CELF2: variants seen among roughly 807,000 people sequenced by gnomAD.
CELF2 encodes CUG triplet repeat RNA-binding protein 2.
In CELF2, 8 loss-of-function variants were observed where a neutral mutation model predicts 62.6. That is an observed-to-expected ratio of 0.13 (90% CI 0.07 to 0.23). The LOEUF (loss-of-function observed/expected upper bound fraction) is 0.23. Ranked by LOEUF, CELF2 falls within the 10% of genes least tolerant of loss-of-function variation. The pLI is 1.00. For synonymous variants in CELF2, 258 were observed against 250.0 expected (o/e 1.03, Z -0.30); for missense variants, 333 against 671.0 (o/e 0.50, Z 5.56).
chr10:10,683,271 T>C, the CELF2 span, among the ~76,000 whole-genome samples: 1 of 152,198 alleles, frequency 6.6e-6, no homozygotes, highest in African/African-American at 2.4e-5. Flanking sequence ...CCACTTAGGT[T>C]TTTAAATGTC....
intron 2 of CELF2, among the ~76,000 whole-genome samples, chr10:10,999,211 A>T (rs927049365): frequency 6.6e-6 from 1 of 152,210 alleles, no homozygotes; most frequent in African/African-American, 2.4e-5. Context: ...GAGACTAGGT[A>T]ACGCACAGGA....
At chr10:10,764,391 T>C in the CELF2 span, among the ~76,000 whole-genome samples, 2 of 152,228 alleles carry the variant, frequency 1.3e-5, no homozygotes. Flanking sequence ...CTGCCTAACC[T>C]GAGTTTCCAC....
chr10:10,948,029 T>A (rs1300786366), intron 2 of CELF2, among the ~76,000 whole-genome samples: 1 of 152,216 alleles, frequency 6.6e-6, no homozygotes, highest in African/African-American at 2.4e-5. Flanking sequence ...CTTTTCTTAA[T>A]TCAGAAATTT....
chr10:10,544,770 AG>A, the CELF2 span, among the ~76,000 whole-genome samples: 1 of 152,220 alleles, frequency 6.6e-6, no homozygotes, highest in African/African-American at 2.4e-5. Context: ...TCCTCCAGGA[AG>A]CCACAAATGT....
upstream of CELF2, chr10:11,005,203 C>T: frequency 6.9e-7 from 1 of 1,456,734 alleles, no homozygotes; most frequent in Non-Finnish European, 9.0e-7. This position sits in a 1 kb window ranked among gnomAD's most constrained non-coding sequence, Gnocchi z 4.3. Context: ...AGCCCCCTTG[C>T]TCTACTATTC....
At chr10:11,190,182 G>A (rs1290470217) in intron 2 of CELF2, among the ~76,000 whole-genome samples, 1 of 152,104 alleles carries the variant, frequency 6.6e-6, no homozygotes, top group East Asian at 1.9e-4. Context: ...AATCCCTTGA[G>A]GACAGGATTC....
At chr10:11,047,753 CCTGAATA>C (rs1182516327) in intron 1 of CELF2, among the ~76,000 whole-genome samples, 3 of 152,124 alleles carry the variant, frequency 2.0e-5, no homozygotes, top group Non-Finnish European at 4.4e-5. Flanking sequence ...CAGTGCCTTT[CCTGAATA>C]CTGATTTCAG....
chr10:11,278,807 CACA>C (rs1464552354), intron 8 of CELF2, among the ~76,000 whole-genome samples: 1 of 152,196 alleles, frequency 6.6e-6, no homozygotes, highest in African/African-American at 2.4e-5. Flanking sequence ...TCCCAAATAT[CACA>C]ACAACCTGAT....
chr10:11,078,530 C>T (rs1412617659), intron 1 of CELF2, among the ~76,000 whole-genome samples: 1 of 152,186 alleles, frequency 6.6e-6, no homozygotes, highest in Non-Finnish European at 1.5e-5. Context: ...TTTCATTCAT[C>T]CAGAACCTTG....
At chr10:11,176,181 C>G (rs189358411) in intron 2 of CELF2, among the ~76,000 whole-genome samples, 1 of 152,312 alleles carries the variant, frequency 6.6e-6, no homozygotes, top group East Asian at 1.9e-4. Flanking sequence ...CCTCTTTCCC[C>G]TTTTTCCCCT....
the CELF2 span, among the ~76,000 whole-genome samples, chr10:10,719,814 C>T: frequency 1.3e-5 from 2 of 152,156 alleles, no homozygotes; most frequent in African/African-American, 4.8e-5. Flanking sequence ...TTAGCATAGC[C>T]TCCAGTACAT....
At chr10:11,150,424 G>C (rs997420929) in intron 1 of CELF2, among the ~76,000 whole-genome samples, 12 of 152,178 alleles carry the variant, frequency 7.9e-5, no homozygotes, top group African/African-American at 2.9e-4. Context: ...AATCATACTT[G>C]AATGACTTCA....
At chr10:10,681,975 C>G in the CELF2 span, among the ~76,000 whole-genome samples, 1 of 152,146 alleles carries the variant, frequency 6.6e-6, no homozygotes, top group Non-Finnish European at 1.5e-5. Context: ...ATTTTACCAT[C>G]AAAATAAAAC....
Position 11,265,129 on chromosome 10 carries a change from G to A in CELF2, c.539-1469G>A, listed in dbSNP as rs150132707. ...GACTTGATAATCTCACCAGGTATTCGTGCAGAGCAAAAGAAGAAAATATAT... is the reference window on the plus strand; with the variant it reads ...GACTTGATAATCTCACCAGGTATTCATGCAGAGCAAAAGAAGAAAATATAT... On this transcript the variant is annotated intron_variant, in intron 5 of 12. Transcript: ENST00000633077. Among the ~76,000 whole-genome samples the A allele has an allele frequency of 1.3e-3, 202 of 152,288 alleles. 3 individuals are homozygous for A. The highest frequency in any genetic ancestry group is 4.1e-3 in the African/African-American group (172 of 41,550).
chr10:11,024,505 G>T (rs966218243), intron 1 of CELF2, among the ~76,000 whole-genome samples: 1 of 149,660 alleles, frequency 6.7e-6, no homozygotes, highest in Non-Finnish European at 1.5e-5. Context: ...GGAGGCTGAG[G>T]GGGGAGGATC....
the CELF2 span, among the ~76,000 whole-genome samples, chr10:10,629,861 C>CAAAAAAA: frequency 1.1e-3 from 14 of 12,338 alleles, 2 homozygotes; most frequent in African/African-American, 2.4e-3. Flanking sequence ...GGCTGAAGAC[C>CAAAAAAA]AAAAAAAAAA....
chr10:11,235,340 A>G (rs2070795418), intron 3 of CELF2, among the ~76,000 whole-genome samples: 1 of 152,216 alleles, frequency 6.6e-6, no homozygotes, highest in Non-Finnish European at 1.5e-5. Flanking sequence ...CTTGTCTCAC[A>G]TATTCCTCAT....
At chr10:10,807,838 C>T (rs1401252587) in intron 1 of CELF2, among the ~76,000 whole-genome samples, 2 of 152,110 alleles carry the variant, frequency 1.3e-5, no homozygotes, top group Non-Finnish European at 1.5e-5. Context: ...ATGAAGCTGT[C>T]AGCTTCTCTG....
rs548586033 is a variant in CELF2 at position 11,331,282 on chromosome 10, CAAAAAA to C, written c.*2238_*2243del. 2.0e-5 allele frequency: 1 copy of C among 50,692 alleles called. No homozygotes were observed. The highest frequency in any genetic ancestry group is 4.7e-5 in the Non-Finnish European group (1 of 21,212). The allele number at this position is 50,692 out of a possible 1,614,324, so 3.1% of individuals were successfully genotyped here. Reference sequence around the variant, plus strand: ...AAGTTTAGAATTGGTTTACTTAATACAAAAAAAAAAAAAAGAATTTCAAAAAAAAAA... The same window carrying C: ...AAGTTTAGAATTGGTTTACTTAATACAAAAAAAAGAATTTCAAAAAAAAAA... On this transcript the variant is annotated 3_prime_UTR_variant, in exon 13 of 13. Transcript: ENST00000633077.
Sources: allele counts gnomAD v4.1 joint callset (sites outside exome capture counted in the v4.1 genomes callset), GRCh38; gene constraint gnomAD v4.1.1; non-coding constraint Gnocchi (gnomAD v3.1); transcripts MANE v1.5; gene names NCBI Gene and HGNC (gene_info 2026-07-23, HGNC 2026-07-21).